TGS1: variants seen among roughly 807,000 people sequenced by gnomAD.
The protein encoded by TGS1 is trimethylguanosine synthase.
TGS1 carries 69 observed loss-of-function variants against 92.2 expected under a neutral mutation model. The ratio of observed to expected loss-of-function variants is 0.75; its 90% CI spans 0.62 to 0.91. TGS1 has a LOEUF of 0.91. Among genes scored for constraint, TGS1 ranks in the 40% least tolerant of loss-of-function variants. TGS1 has a pLI of 0.00. For synonymous variants in TGS1, 345 were observed against 338.1 expected (o/e 1.02, Z -0.22); for missense variants, 1,062 against 1,001.2 (o/e 1.06, Z -0.82).
chr8:55,801,621 C>T (rs1434099545), intron 8 of TGS1, among the ~76,000 whole-genome samples: 5 of 104,554 alleles, frequency 4.8e-5, no homozygotes, highest in Middle Eastern at 0.02. Flanking sequence ...CAGAGTCTTG[C>T]TCTGTTGCCC....
chr8:55,815,918 T>TTTTATTTATTTATTTATTTA (rs142853626), intron 12 of TGS1, among the ~76,000 whole-genome samples: 1 of 150,546 alleles, frequency 6.6e-6, no homozygotes, highest in African/African-American at 2.4e-5. Context: ...AAGGACTAAT[T>TTTTATTTATTTATTTATTTA]TTTATTTATT....
rs3058135 is a variant in TGS1, at chr8:55,790,966, TTCTCTCTC to T, written c.1280+682_1280+689del. 5.8e-3 allele frequency among the ~76,000 whole-genome samples: 869 copies of T among 149,580 alleles called. 10 individuals are homozygous for T. Among genetic ancestry groups the T allele is most frequent in the African/African-American group, 0.02 (815 of 40,768 alleles). On this transcript the variant is annotated intron_variant, in intron 5 of 12. Coordinates refer to ENST00000260129, the MANE Select transcript of TGS1 (RefSeq NM_024831.8). ...TTTAACTAATAATTAAATTCATATC[TTCTCTCTC>T]TCTCTCTCTCTCTCACCAGTTCTAA...
intron 12 of TGS1, 43 bp from the exon 13 acceptor site, chr8:55,824,538 A>G (rs773808034): frequency 5.0e-6 from 8 of 1,610,816 alleles, no homozygotes; most frequent in Non-Finnish European, 6.8e-6. Flanking sequence ...TTTTGAAATT[A>G]TGCTTAGGTG....
intron 2 of TGS1, among the ~76,000 whole-genome samples, chr8:55,783,358 G>T (rs1017591694): frequency 6.6e-6 from 1 of 152,200 alleles, no homozygotes; most frequent in African/African-American, 2.4e-5. Flanking sequence ...GGCAGAGTTT[G>T]CAGTGAGCTG....
intron 5 of TGS1, among the ~76,000 whole-genome samples, chr8:55,791,985 A>T (rs968142632): frequency 6.6e-6 from 1 of 152,196 alleles, no homozygotes; most frequent in Admixed American, 6.5e-5. Flanking sequence ...CTTGTACTCC[A>T]TATAGCTTCT....
chr8:55,787,975 AT>A (rs1349126491), intron 4 of TGS1, among the ~76,000 whole-genome samples: 1 of 152,248 alleles, frequency 6.6e-6, no homozygotes, highest in Non-Finnish European at 1.5e-5. Context: ...GCACCAAGCC[AT>A]TCATGAAGGA....
chr8:55,795,909 C>T, intron 6 of TGS1, 69 bp from the exon 7 acceptor site: 2 of 1,181,948 alleles, frequency 1.7e-6, no homozygotes, highest in Non-Finnish European at 1.2e-6. Flanking sequence ...TTAGTTTCAT[C>T]CTCTTTTCCT....
At chr8:55,801,715 AG>A (rs1812221240) in intron 8 of TGS1, among the ~76,000 whole-genome samples, 1 of 145,684 alleles carries the variant, frequency 6.9e-6, no homozygotes, top group Non-Finnish European at 1.5e-5. Context: ...CAGCCTCCCA[AG>A]TAGCTGGGAT....
chr8:55,802,947 T>C (rs1032240100), intron 9 of TGS1, among the ~76,000 whole-genome samples: 1 of 150,960 alleles, frequency 6.6e-6, no homozygotes, highest in Non-Finnish European at 1.5e-5. Flanking sequence ...TGTCCTAATC[T>C]TGTCCTTTAT....
At chr8:55,795,951 T>C in intron 6 of TGS1, 27 bp from the exon 7 acceptor site, 2 of 1,569,954 alleles carry the variant, frequency 1.3e-6, no homozygotes, top group South Asian at 2.3e-5. Context: ...ATTTAAGTTG[T>C]GAATAACTTC....
intron 7 of TGS1, among the ~76,000 whole-genome samples, chr8:55,798,093 AG>A (rs1405252485): frequency 1.3e-5 from 2 of 152,238 alleles, no homozygotes; most frequent in Non-Finnish European, 2.9e-5. Context: ...AGATGAGTGC[AG>A]AAACAGCTAC....
intron 7 of TGS1, among the ~76,000 whole-genome samples, chr8:55,797,799 A>G (rs1485637069): frequency 2.6e-5 from 4 of 152,214 alleles, no homozygotes; most frequent in African/African-American, 9.6e-5. Flanking sequence ...AGACTCCATG[A>G]TGTCTCTGTC....
intron 9 of TGS1, among the ~76,000 whole-genome samples, chr8:55,804,400 C>T (rs980452515): frequency 1.1e-4 from 17 of 152,136 alleles, no homozygotes; most frequent in Non-Finnish European, 2.1e-4. Flanking sequence ...AAGATCATGC[C>T]GTTGCACTCC....
At chr8:55,793,414 C>G (rs1476388027) in intron 6 of TGS1, among the ~76,000 whole-genome samples, 1 of 152,052 alleles carries the variant, frequency 6.6e-6, no homozygotes, top group African/African-American at 2.4e-5. Context: ...ATCACTTCAG[C>G]CCGGGAGGTT....
chr8:55,787,063 A>T lies in TGS1; in HGVS notation c.1162+3A>T. 1 of 1,589,096 alleles carries T rather than the reference A, an allele frequency of 6.3e-7. No individual in the cohort carries two copies. ...AAACACAGACCCACCAGCTGAGGGT[A>T]AGATTAACCAAGATTTATTCTGCCA... On this transcript the variant is annotated splice_donor_region_variant and intron_variant, in intron 4 of 12. Transcript: ENST00000260129.
intron 11 of TGS1, among the ~76,000 whole-genome samples, chr8:55,811,554 G>C (rs1462934741): frequency 1.3e-5 from 2 of 151,888 alleles, no homozygotes; most frequent in African/African-American, 4.8e-5. Context: ...GAGGTCAGGA[G>C]ATCGAGACCA....
chr8:55,790,204 A>C lies in TGS1; in HGVS notation c.1185A>C (p.Ala395=). ...TAGATTCACAGAAGTCTTCAGGAGC[A>C]AACACAAGCAAAGACAGACCACATG... ...PAEDSQKSSG[A]NTSKDRPHAS... The change falls in exon 5 of 13, where the codon GCA becomes GCC. Residue 395 remains alanine, a synonymous_variant. Coordinates refer to ENST00000260129, the MANE Select transcript of TGS1 (RefSeq NM_024831.8). 1 of 1,614,070 alleles carries C rather than the reference A, an allele frequency of 6.2e-7. No individual in the cohort carries two copies. Among genetic ancestry groups the C allele is most frequent in the Non-Finnish European group, 8.5e-7 (1 of 1,179,922 alleles).
At position 55,824,774 on chromosome 8, in the gene TGS1, TC is replaced by T. The variant is rs1237307993; in HGVS notation, c.*73del. 3.2e-6 allele frequency: 5 copies of T among 1,557,346 alleles called. No homozygotes were observed. Among genetic ancestry groups the T allele is most frequent in the Admixed American group, 1.8e-5 (1 of 56,284 alleles). ...TTCAGATGAGACATTTGGCATGTCT[TC>T]CTTTATTCACTGATATTTTCTACCC... On this transcript the variant is annotated 3_prime_UTR_variant, in exon 13 of 13. Transcript: ENST00000260129.
intron 1 of TGS1, among the ~76,000 whole-genome samples, chr8:55,779,876 T>C (rs1585753524): frequency 9.9e-6 from 1 of 101,316 alleles, no homozygotes; most frequent in Non-Finnish European, 2.0e-5. Flanking sequence ...TTTTTTTTCC[T>C]TTTTTTTTTT....
Sources: allele counts gnomAD v4.1 joint callset (sites outside exome capture counted in the v4.1 genomes callset), GRCh38; gene constraint gnomAD v4.1.1; transcripts MANE v1.5; gene names NCBI Gene and HGNC (gene_info 2026-07-23, HGNC 2026-07-21).